Variants in DSE observed in about 807,000 individuals in gnomAD.
DSE encodes the protein dermatan-sulfate epimerase.
DSE carries 36 observed loss-of-function variants against 84.4 expected under a neutral mutation model. The ratio of observed to expected loss-of-function variants is 0.43; its 90% CI spans 0.33 to 0.56. DSE has a LOEUF of 0.56. Ranked by LOEUF, DSE falls within the 20% of genes least tolerant of loss-of-function variation. The probability of loss-of-function intolerance (pLI) is 0.06; values close to 1 mark genes in which losing one functional copy is unlikely to be tolerated. For missense variants in DSE, 862 were observed against 1,169.6 expected, an observed-to-expected ratio of 0.74 and a Z score of 3.84; for synonymous variants, 410 against 430.1, an observed-to-expected ratio of 0.95 and a Z score of 0.58.
At chr6:116,327,697 C>G (rs1776702930) in intron 2 of DSE, among the ~76,000 whole-genome samples, 1 of 152,058 alleles carries the variant, frequency 6.6e-6, no homozygotes, top group Non-Finnish European at 1.5e-5. Context: ...TCCGGTGAGC[C>G]CATTATTTGT....
In DSE at chr6:116,299,504, T is replaced by TTATA. The variant is rs71553739; in HGVS notation, c.-54+40582_-54+40585dup. 7.6e-3 allele frequency among the ~76,000 whole-genome samples: 87 copies of TTATA among 11,434 alleles called. 2 individuals are homozygous for TTATA. The highest frequency in any genetic ancestry group is 0.016 in the African/African-American group (82 of 5,068). The allele number at this position is 11,434 out of a possible 152,430, so 7.5% of individuals were successfully genotyped here. A position where few individuals can be genotyped will look rare whatever the true frequency, so the allele number is the denominator to read the frequency against. On this transcript the variant is annotated intron_variant, in intron 2 of 3. Transcript: ENST00000430252. ...TCCTGAAAGGCTTCTTGAATTATTTTTATATATATATATATATATATATAT... is the reference window on the plus strand; with the variant it reads ...TCCTGAAAGGCTTCTTGAATTATTTTTATATATATATATATATATATATATATAT...
At position 116,429,930 on chromosome 6, in the gene DSE, C is replaced by T. The variant is rs1315332602; in HGVS notation, c.671-1024C>T. Among the ~76,000 whole-genome samples the T allele has an allele frequency of 3.2e-4, 46 of 141,612 alleles. 17 individuals carry two copies. In the Middle Eastern group the frequency reaches 0.011, roughly 34 times the overall value. 92.9% of individuals were successfully genotyped at this position (141,612 alleles called of 152,430 possible). ...TTGCGCCACTGCACTCCCGTCTGGG[C>T]CACAGAGCGAGACTCCGTCTCAAAA... On this transcript the variant is annotated intron_variant, in intron 3 of 5. Coordinates refer to ENST00000644252, the MANE Select transcript of DSE (RefSeq NM_013352.4).
chr6:116,343,094 G>A lies in DSE; in HGVS notation c.-53-56104G>A, dbSNP rs146002348. 9.1e-3 allele frequency among the ~76,000 whole-genome samples: 1,387 copies of A among 152,272 alleles called. 17 individuals carry two copies. The highest frequency in any genetic ancestry group is 0.032 in the African/African-American group (1,329 of 41,546). On this transcript the variant is annotated intron_variant, in intron 2 of 3. Coordinates refer to the DSE transcript ENST00000430252. ...AACTGCAAGGTGGCAGTGAGGCTGC[G>A]GGAGGGGCGTCTGCCATTGCTGAGT...
At chr6:116,302,883 A>G (rs1775122472) in intron 2 of DSE, among the ~76,000 whole-genome samples, 1 of 152,172 alleles carries the variant, frequency 6.6e-6, no homozygotes, top group Admixed American at 6.5e-5. Flanking sequence ...ACCCAACACC[A>G]TTTATTAAAT....
chr6:116,264,281 T>C (rs1772528366), intron 2 of DSE, among the ~76,000 whole-genome samples: 1 of 152,158 alleles, frequency 6.6e-6, no homozygotes, highest in African/African-American at 2.4e-5. Context: ...TCAGAGGTTT[T>C]GCTCATTCCT....
chr6:116,323,527 GCT>G (rs1250739500), intron 2 of DSE, among the ~76,000 whole-genome samples: 1 of 152,126 alleles, frequency 6.6e-6, no homozygotes, highest in African/African-American at 2.4e-5. Flanking sequence ...CTACAAATGT[GCT>G]TTTAAATGTT....
At chr6:116,279,402 C>G in intron 2 of DSE, 1 of 1,613,272 alleles carries the variant, frequency 6.2e-7, no homozygotes, top group Non-Finnish European at 8.5e-7. Flanking sequence ...CCGCCGTCAG[C>G]TCAGACGCGG....
chr6:116,333,469 C>T (rs930506574), intron 2 of DSE, among the ~76,000 whole-genome samples: 1 of 152,152 alleles, frequency 6.6e-6, no homozygotes, highest in Non-Finnish European at 1.5e-5. Flanking sequence ...AGAAAGTGCC[C>T]CCATGACTTA....
intron 2 of DSE, among the ~76,000 whole-genome samples, chr6:116,358,586 T>G (rs1034678918): frequency 1.3e-5 from 2 of 152,184 alleles, no homozygotes; most frequent in Non-Finnish European, 2.9e-5. Flanking sequence ...GTGGGGAACC[T>G]CAGGTGCCTT....
chr6:116,358,537 G>A (rs1583083428), intron 2 of DSE, among the ~76,000 whole-genome samples: 1 of 152,194 alleles, frequency 6.6e-6, no homozygotes, highest in Admixed American at 6.5e-5. Flanking sequence ...AGATCAACCA[G>A]GTGGACCTTT....
intron 2 of DSE, among the ~76,000 whole-genome samples, chr6:116,307,030 C>T (rs1245744541): frequency 1.3e-5 from 2 of 152,202 alleles, no homozygotes; most frequent in African/African-American, 2.4e-5. Context: ...AATATACCTC[C>T]TCTGTGTATT....
chr6:116,425,126 T>C (rs1783346707), intron 2 of DSE, among the ~76,000 whole-genome samples: 1 of 152,246 alleles, frequency 6.6e-6, no homozygotes, highest in Non-Finnish European at 1.5e-5. Context: ...TAGTAGTTAT[T>C]ATCCCTGCTA....
chr6:116,404,465 C>T (rs1472442556), intron 2 of DSE, among the ~76,000 whole-genome samples: 1 of 152,208 alleles, frequency 6.6e-6, no homozygotes, highest in Non-Finnish European at 1.5e-5. Flanking sequence ...CCCTGAGGAA[C>T]AGGTCTGGCC....
At chr6:116,317,007 GA>G (rs1000876933) in intron 2 of DSE, among the ~76,000 whole-genome samples, 6 of 151,762 alleles carry the variant, frequency 4.0e-5, no homozygotes, top group Non-Finnish European at 8.8e-5. Context: ...ATTCCTGTGA[GA>G]AAAAAAATGT....
At chr6:116,287,914 GTC>G (rs900450870) in intron 2 of DSE, among the ~76,000 whole-genome samples, 3 of 152,206 alleles carry the variant, frequency 2.0e-5, no homozygotes, top group African/African-American at 4.8e-5. Context: ...GATGTATCTA[GTC>G]TCTGATGGAA....
chr6:116,281,217 G>T (rs1773508415), intron 2 of DSE, among the ~76,000 whole-genome samples: 1 of 152,020 alleles, frequency 6.6e-6, no homozygotes, highest in Non-Finnish European at 1.5e-5. Flanking sequence ...CTTTGAAGAT[G>T]GAGGAAGGAG....
At chr6:116,296,362 G>A (rs1277559087) in intron 2 of DSE, among the ~76,000 whole-genome samples, 1 of 152,076 alleles carries the variant, frequency 6.6e-6, no homozygotes, top group Non-Finnish European at 1.5e-5. Context: ...TGTAGATGTA[G>A]AACCCTTGGA....
chr6:116,307,383 T>C (rs1320495995), intron 2 of DSE, among the ~76,000 whole-genome samples: 3 of 152,234 alleles, frequency 2.0e-5, no homozygotes, highest in African/African-American at 7.2e-5. Flanking sequence ...TACTTGCCTG[T>C]TCCTATGTCT....
intron 2 of DSE, among the ~76,000 whole-genome samples, chr6:116,343,099 G>A (rs1376503009): frequency 1.3e-5 from 2 of 152,166 alleles, no homozygotes; most frequent in Non-Finnish European, 2.9e-5. Context: ...GCTGCGGGAG[G>A]GGCGTCTGCC....
Sources: gnomAD v4.1 joint callset for allele counts (sites outside exome capture counted in the v4.1 genomes callset) on GRCh38, gnomAD v4.1.1 for gene constraint, MANE v1.5 for transcripts, NCBI Gene and HGNC (gene_info 2026-07-23, HGNC 2026-07-21) for gene names.